Variants in GPM6A observed in about 807,000 individuals in gnomAD.
The protein encoded by GPM6A is glycoprotein M6A, also known as neuronal membrane glycoprotein M6-a.
Under a neutral mutation model 32.1 loss-of-function variants are expected in GPM6A, and 7 were observed. The ratio of observed to expected loss-of-function variants is 0.22; its 90% CI spans 0.12 to 0.41. The LOEUF (loss-of-function observed/expected upper bound fraction) is 0.41. GPM6A is among the 10% of genes least tolerant of loss of function. The pLI, the probability that GPM6A is intolerant of heterozygous loss-of-function variation, is 1.00. For synonymous variants in GPM6A, 130 were observed against 123.4 expected (o/e 1.05, Z -0.35); for missense variants, 235 against 347.2 (o/e 0.68, Z 2.57).
chr4:175,945,890 A>G (rs141982373), intron 1 of GPM6A, among the ~76,000 whole-genome samples: 5 of 147,638 alleles, frequency 3.4e-5, no homozygotes, highest in African/African-American at 1.3e-4. Flanking sequence ...ACGGGTGCAT[A>G]TTACGTACAA....
At position 175,887,700 on chromosome 4, in the gene GPM6A, C is replaced by A. The variant is rs527465608; in HGVS notation, c.-22-75451G>T. 7.3e-5 allele frequency among the ~76,000 whole-genome samples: 11 copies of A among 151,402 alleles called. No individual in the cohort carries two copies. In the South Asian group the frequency reaches 1.5e-3, roughly 20 times the overall value. The stretch of plus-strand genomic sequence containing the variant: ...AGTATTAGACACAATAAAAATATAA[C>A]CATGATAAAAATTTTGAAAAAAAAT... On this transcript the variant is annotated intron_variant, in intron 1 of 7. Transcript: ENST00000280187.
At chr4:175,897,971 C>G (rs963237043) in intron 1 of GPM6A, among the ~76,000 whole-genome samples, 1 of 152,106 alleles carries the variant, frequency 6.6e-6, no homozygotes, top group Non-Finnish European at 1.5e-5. Flanking sequence ...CAACACTAAG[C>G]CTCTCTTCTC....
At chr4:175,945,252 G>A (rs73871296) in intron 1 of GPM6A, among the ~76,000 whole-genome samples, 9,060 of 152,092 alleles carry the variant, frequency 0.06, 843 homozygotes, top group African/African-American at 0.2. Context: ...GAAACTGCAC[G>A]TATCACTAGA....
At chr4:175,891,984 C>T (rs1382942912) in intron 1 of GPM6A, among the ~76,000 whole-genome samples, 1 of 152,140 alleles carries the variant, frequency 6.6e-6, no homozygotes, top group African/African-American at 2.4e-5. Flanking sequence ...GGCTTTTGCC[C>T]GTTGTTATCT....
At chr4:175,950,401 T>C (rs1176920013) in intron 1 of GPM6A, among the ~76,000 whole-genome samples, 2 of 152,170 alleles carry the variant, frequency 1.3e-5, no homozygotes, top group Non-Finnish European at 2.9e-5. Context: ...CATAATATGT[T>C]CTATACAACT....
Position 175,750,305 on chromosome 4 carries a change from G to A in GPM6A, c.38-48538C>T, listed in dbSNP as rs146063835. On this transcript the variant is annotated intron_variant, in intron 1 of 6. Coordinates refer to ENST00000393658, the MANE Select transcript of GPM6A (RefSeq NM_201591.3). ...ACTCTTGACCTCAGGTGATCCACCCGCCTTGGCCTCTTAAAGAGTTGGGAT... is the reference window on the plus strand; with the variant it reads ...ACTCTTGACCTCAGGTGATCCACCCACCTTGGCCTCTTAAAGAGTTGGGAT... Among the ~76,000 whole-genome samples the A allele has an allele frequency of 1.6e-3, 245 of 152,144 alleles. 2 individuals carry two copies. Among genetic ancestry groups the A allele is most frequent in the African/African-American group, 5.6e-3 (234 of 41,524 alleles).
rs1041078398 is a variant in GPM6A, at chr4:175,633,521, A to G, written c.*1384T>C. On this transcript the variant is annotated 3_prime_UTR_variant, in exon 7 of 7. Transcript: ENST00000393658. ...TTTCACAATGGTCAAATCAGTGCACAATACTACCTAGTTTTATACACTGAA... is the reference window on the plus strand; with the variant it reads ...TTTCACAATGGTCAAATCAGTGCACGATACTACCTAGTTTTATACACTGAA... 3.9e-5 allele frequency: 6 copies of G among 152,466 alleles called. No homozygotes were observed. The South Asian group carries it at 1.0e-3, about 26-fold the overall frequency. 9.4% of individuals were successfully genotyped at this position (152,466 alleles called of 1,614,324 possible). A position where few individuals can be genotyped will look rare whatever the true frequency, so the allele number is the denominator to read the frequency against.
intron 1 of GPM6A, among the ~76,000 whole-genome samples, chr4:175,744,618 G>A (rs1732024375): frequency 6.6e-6 from 1 of 151,952 alleles, no homozygotes; most frequent in South Asian, 2.1e-4. Flanking sequence ...ACTTTCTGGA[G>A]TTTGGGAAGA....
chr4:175,984,472 T>A (rs1740914484), intron 1 of GPM6A, among the ~76,000 whole-genome samples: 1 of 152,156 alleles, frequency 6.6e-6, no homozygotes, highest in Non-Finnish European at 1.5e-5. Flanking sequence ...CCTCTCCTGT[T>A]CTTTTATTTG....
chr4:175,691,892 G>C (rs1744320812), intron 2 of GPM6A, among the ~76,000 whole-genome samples: 1 of 152,194 alleles, frequency 6.6e-6, no homozygotes, highest in Middle Eastern at 3.2e-3. Flanking sequence ...TTCAGAGTGA[G>C]ATTTGAAGAT....
chr4:175,973,651 A>G (rs1444758447), intron 1 of GPM6A, among the ~76,000 whole-genome samples: 1 of 152,218 alleles, frequency 6.6e-6, no homozygotes, highest in African/African-American at 2.4e-5. Flanking sequence ...CACTGTTCTG[A>G]AAGAATATTA....
chr4:175,773,318 C>T (rs1259172073), intron 1 of GPM6A, among the ~76,000 whole-genome samples: 1 of 152,176 alleles, frequency 6.6e-6, no homozygotes. Context: ...TACTCAAAGC[C>T]TTAAACGATC....
Position 175,865,421 on chromosome 4 carries a change from A to G in GPM6A, c.-22-53172T>C, listed in dbSNP as rs1736704558. On this transcript the variant is annotated intron_variant, in intron 1 of 7. Coordinates refer to the GPM6A transcript ENST00000280187. ...GTTTTAGCTATTCTAGGTCATTTGG[A>G]TTTTTGTGTAAATTTAAGAATGAGT... Among the ~76,000 whole-genome samples the G allele has an allele frequency of 2.6e-5, 4 of 152,136 alleles. No individual in the cohort carries two copies. The South Asian group carries it at 8.3e-4, about 32-fold the overall frequency.
intron 1 of GPM6A, among the ~76,000 whole-genome samples, chr4:175,737,546 T>G (rs1731713012): frequency 1.3e-5 from 2 of 152,314 alleles, no homozygotes; most frequent in Admixed American, 1.3e-4. Context: ...TTCTGAGCTC[T>G]TTTATGCCTT....
intron 2 of GPM6A, among the ~76,000 whole-genome samples, chr4:175,686,383 C>T (rs756428164): frequency 3.9e-5 from 6 of 152,206 alleles, no homozygotes; most frequent in Non-Finnish European, 7.3e-5. Flanking sequence ...TGAATATTAA[C>T]TTTCATGGCA....
At chr4:175,942,231 T>A (rs1739437153) in intron 1 of GPM6A, among the ~76,000 whole-genome samples, 2 of 152,012 alleles carry the variant, frequency 1.3e-5, no homozygotes, top group East Asian at 1.9e-4. Context: ...GGGGTTGTTT[T>A]TTTCTTCTAA....
In GPM6A at chr4:175,819,368, G is replaced by A. The variant is rs111332794; in HGVS notation, c.-22-7119C>T. 2.9e-3 allele frequency among the ~76,000 whole-genome samples: 437 copies of A among 152,230 alleles called. 1 individual carries two copies. The highest frequency in any genetic ancestry group is 1.0e-2 in the African/African-American group (414 of 41,524). On this transcript the variant is annotated intron_variant, in intron 1 of 7. Coordinates refer to the GPM6A transcript ENST00000280187. ...CTACTAGGTATCTGAAGCTGAGCCA[G>A]GTGAACAGGACAGATGTAGTTTCCT...
chr4:175,739,479 G>C (rs944416330), intron 1 of GPM6A, among the ~76,000 whole-genome samples: 7 of 152,002 alleles, frequency 4.6e-5, no homozygotes, highest in African/African-American at 1.7e-4. Flanking sequence ...GCTTAATACT[G>C]GTAATTCCCA....
intron 6 of GPM6A, among the ~76,000 whole-genome samples, chr4:175,637,292 A>ATAT (rs1740740114): frequency 3.0e-5 from 2 of 66,156 alleles, no homozygotes; most frequent in African/African-American, 6.0e-5. Context: ...TATATAAAAT[A>ATAT]TATATTATAT....
Sources: allele counts gnomAD v4.1 joint callset (sites outside exome capture counted in the v4.1 genomes callset), GRCh38; gene constraint gnomAD v4.1.1; transcripts MANE v1.5; gene names NCBI Gene and HGNC (gene_info 2026-07-23, HGNC 2026-07-21).